The following MEF2D variants were observed in gnomAD, a reference collection of about 807,000 sequenced individuals.
The protein encoded by MEF2D is myocyte enhancer factor 2D.
MEF2D carries 10 observed loss-of-function variants against 59.3 expected under a neutral mutation model. The observed-to-expected ratio is 0.17, with a 90% CI of 0.10 to 0.29. The LOEUF is 0.29. Ranked by LOEUF, MEF2D falls within the 10% of genes least tolerant of loss-of-function variation. The pLI is 1.00. For synonymous variants in MEF2D, 305 were observed against 295.0 expected (o/e 1.03, Z -0.35); for missense variants, 508 against 699.4 (o/e 0.73, Z 3.09).
chr1:156,494,134 A>ATGCT (rs1181620983), intron 1 of MEF2D, among the ~76,000 whole-genome samples: 3 of 152,076 alleles, frequency 2.0e-5, no homozygotes, highest in African/African-American at 4.8e-5. Context: ...CCAAAAGCAC[A>ATGCT]ATACACACAT....
intron 1 of MEF2D, among the ~76,000 whole-genome samples, chr1:156,490,800 G>T (rs1287296679): frequency 6.6e-6 from 1 of 152,192 alleles, no homozygotes; most frequent in Non-Finnish European, 1.5e-5. Context: ...GGGTCATCCT[G>T]TTCTCTGCCC....
chr1:156,496,846 G>A (rs1272415158), intron 1 of MEF2D, among the ~76,000 whole-genome samples: 1 of 152,176 alleles, frequency 6.6e-6, no homozygotes, highest in Non-Finnish European at 1.5e-5. Context: ...GGGGAAAGGG[G>A]CCTAATGGCT....
chr1:156,489,811 T>G (rs1672638002), intron 1 of MEF2D, among the ~76,000 whole-genome samples: 1 of 152,084 alleles, frequency 6.6e-6, no homozygotes, highest in Non-Finnish European at 1.5e-5. Context: ...AGGCCGGCCC[T>G]GAGAGGCAGC....
chr1:156,488,747 C>A (rs1373669823), intron 1 of MEF2D, among the ~76,000 whole-genome samples: 2 of 152,122 alleles, frequency 1.3e-5, no homozygotes, highest in African/African-American at 2.4e-5. Flanking sequence ...TATCTCAGTT[C>A]CTGTGTGAAG....
rs558790210 is a variant in MEF2D at position 156,468,207 on chromosome 1, C to G, written c.1340G>C (p.Arg447Pro). 153 of 1,612,648 alleles carry G rather than the reference C, an allele frequency of 9.5e-5. 3 individuals are homozygous for G. In the Middle Eastern group the frequency reaches 1.3e-3, roughly 14 times the overall value. The change falls in exon 11 of 12, where the codon CGT (arginine) becomes CCT (proline). Residue 447 changes from arginine to proline, a missense_variant. Transcript: ENST00000348159. The surrounding 1 kb of genome is among the most constrained non-coding windows in gnomAD (Gnocchi z 4.3). ...SIKSEPVSPSRERSPAPPPPA... is the reference protein window; with the variant it reads ...SIKSEPVSPSPERSPAPPPPA... ...AGGGGGAGGCGCAGGGCTGCGCTCA[C>G]GGCTTGGGGACACCGGTTCTGACTT... is the stretch of plus-strand genomic sequence containing the variant.
At chr1:156,482,845 A>G (rs941757029) in intron 2 of MEF2D, among the ~76,000 whole-genome samples, 1 of 152,206 alleles carries the variant, frequency 6.6e-6, no homozygotes, top group Non-Finnish European at 1.5e-5. Flanking sequence ...TACAGCCCAG[A>G]GCCCACTCAC....
intron 1 of MEF2D, among the ~76,000 whole-genome samples, chr1:156,496,565 C>T (rs970727150): frequency 2.6e-5 from 4 of 152,188 alleles, no homozygotes; most frequent in Admixed American, 2.6e-4. Flanking sequence ...TTAATCCCTC[C>T]TGCTCCAGTC....
At chr1:156,485,328 T>C (rs1672283556) in intron 1 of MEF2D, among the ~76,000 whole-genome samples, 1 of 152,082 alleles carries the variant, frequency 6.6e-6, no homozygotes, top group Admixed American at 6.6e-5. Context: ...CCTTGGTCTC[T>C]TGCTCATGAG....
At position 156,479,680 on chromosome 1, in the gene MEF2D, T is replaced by C; in HGVS notation, c.513A>G (p.Ser171=). The change falls in exon 5 of 12, where the codon TCA becomes TCG. Residue 171 remains serine, a synonymous_variant. Transcript: ENST00000348159. ...ACAGGAGCCGCGGGTCCGTGAGGGA[T>C]GATGTCACCAGGGAAGGGGTGACCA... ...GSLVTPSLVT[S]SLTDPRLLSP... 6.4e-7 allele frequency: 1 copy of C among 1,551,686 alleles called. No individual in the cohort carries two copies. The highest frequency in any genetic ancestry group is 1.2e-5 in the South Asian group (1 of 84,064).
chr1:156,494,027 A>C (rs1672979984), intron 1 of MEF2D, among the ~76,000 whole-genome samples: 1 of 152,082 alleles, frequency 6.6e-6, no homozygotes, highest in Admixed American at 6.6e-5. Context: ...GCTGGAGGAA[A>C]GGGCCCATAG....
chr1:156,472,952 C>T (rs1010661726), intron 9 of MEF2D, among the ~76,000 whole-genome samples: 32 of 152,066 alleles, frequency 2.1e-4, no homozygotes, highest in Non-Finnish European at 3.5e-4. Context: ...CCTCGTGATC[C>T]GCCTGCCTCG....
At chr1:156,495,317 CA>C (rs1297284523) in intron 1 of MEF2D, among the ~76,000 whole-genome samples, 1 of 152,176 alleles carries the variant, frequency 6.6e-6, no homozygotes. Flanking sequence ...CTTTATACTT[CA>C]TAACTAGGAA....
chr1:156,483,651 G>C (rs895141012), intron 1 of MEF2D, among the ~76,000 whole-genome samples: 1 of 152,230 alleles, frequency 6.6e-6, no homozygotes, highest in African/African-American at 2.4e-5. Flanking sequence ...CTCGGTCACT[G>C]CTGTCCTCAG....
intron 1 of MEF2D, among the ~76,000 whole-genome samples, chr1:156,496,229 G>T (rs776819804): frequency 2.6e-5 from 4 of 152,238 alleles, no homozygotes; most frequent in Non-Finnish European, 5.9e-5. Context: ...TGATGGCTTA[G>T]ATGTAGTCTT....
At chr1:156,469,843 G>C (rs1232457086) in intron 9 of MEF2D, among the ~76,000 whole-genome samples, 1 of 151,652 alleles carries the variant, frequency 6.6e-6, no homozygotes, top group Admixed American at 6.6e-5. Context: ...CTATGATCAT[G>C]CCACTGCACT....
intron 4 of MEF2D, among the ~76,000 whole-genome samples, chr1:156,480,415 C>T (rs779934641): frequency 1.3e-5 from 2 of 152,184 alleles, no homozygotes; most frequent in Non-Finnish European, 2.9e-5. Flanking sequence ...GTCATCTACA[C>T]ACTTCTTGCT....
chr1:156,479,553 C>T, intron 5 of MEF2D, 33 bp downstream of exon 5: 3 of 1,548,546 alleles, frequency 1.9e-6, no homozygotes, highest in Non-Finnish European at 2.6e-6. Flanking sequence ...CATCTCATTT[C>T]CACCTCACCT....
chr1:156,480,787 A>C (rs759765642), intron 4 of MEF2D, 47 bp downstream of exon 4: 3 of 1,560,304 alleles, frequency 1.9e-6, no homozygotes, highest in South Asian at 1.1e-5. Context: ...CCTGGGGGGA[A>C]GGGGCCGGAA....
In MEF2D at chr1:156,485,548, G is replaced by A. The variant is rs1330475227; in HGVS notation, c.-138-2118C>T. On this transcript the variant is annotated intron_variant, in intron 1 of 11. Coordinates refer to ENST00000348159, the MANE Select transcript of MEF2D (RefSeq NM_005920.4). ...TTTTTTTTTTTTTTTTTTGGTGGTG[G>A]TTGTTGTTTTTTAAGATAGGGTCTT... Among the ~76,000 whole-genome samples, 6 of 145,794 alleles carry A rather than the reference G, an allele frequency of 4.1e-5. No homozygotes were observed. The South Asian group carries it at 6.5e-4, about 16-fold the overall frequency.
Sources: allele counts gnomAD v4.1 joint callset (sites outside exome capture counted in the v4.1 genomes callset), GRCh38; gene constraint gnomAD v4.1.1; non-coding constraint Gnocchi (gnomAD v3.1); transcripts MANE v1.5; gene names NCBI Gene and HGNC (gene_info 2026-07-23, HGNC 2026-07-21).